The following ZNF827 variants were observed in gnomAD, a reference collection of about 807,000 sequenced individuals.
ZNF827 encodes the protein zinc finger protein 827.
A neutral mutation model predicts 102.4 loss-of-function variants in ZNF827; 13 were observed. The ratio of observed to expected loss-of-function variants is 0.13; its 90% CI spans 0.08 to 0.20. The LOEUF (loss-of-function observed/expected upper bound fraction) is 0.20. Among genes scored for constraint, ZNF827 ranks in the 10% least tolerant of loss-of-function variants. ZNF827 has a pLI of 1.00. For synonymous variants in ZNF827, 523 were observed against 536.2 expected (o/e 0.98, Z 0.34); for missense variants, 1,103 against 1,344.4 (o/e 0.82, Z 2.81).
At chr4:145,931,815 G>A (rs1753826577) in intron 1 of ZNF827, among the ~76,000 whole-genome samples, 1 of 152,184 alleles carries the variant, frequency 6.6e-6, no homozygotes, top group Non-Finnish European at 1.5e-5. Flanking sequence ...TTTCACAGAT[G>A]GCACTGTTGA....
At chr4:145,877,728 A>G (rs112827883) in intron 4 of ZNF827, among the ~76,000 whole-genome samples, 19 of 152,336 alleles carry the variant, frequency 1.2e-4, no homozygotes, top group African/African-American at 3.8e-4. Flanking sequence ...GAATTTTAAA[A>G]TATATAAAGT....
chr4:145,771,274 G>A (rs1003987948), intron 11 of ZNF827, among the ~76,000 whole-genome samples: 6 of 152,078 alleles, frequency 3.9e-5, no homozygotes, highest in African/African-American at 1.4e-4. Context: ...CAGATCTCTC[G>A]ATTGTTTTCA....
At chr4:145,854,397 C>A (rs1006177516) in intron 5 of ZNF827, among the ~76,000 whole-genome samples, 1 of 151,788 alleles carries the variant, frequency 6.6e-6, no homozygotes, top group Non-Finnish European at 1.5e-5. Flanking sequence ...TTGTTACCTA[C>A]CCTTAAGAGG....
At chr4:145,793,617 C>T (rs149960714) in intron 8 of ZNF827, among the ~76,000 whole-genome samples, 1,738 of 152,026 alleles carry the variant, frequency 0.011, 39 homozygotes, top group African/African-American at 0.04. Context: ...TTCCCCAGCC[C>T]ACTGACTCAA....
intron 1 of ZNF827, among the ~76,000 whole-genome samples, chr4:145,906,534 G>C (rs1368851965): frequency 2.0e-5 from 3 of 152,134 alleles, no homozygotes; most frequent in African/African-American, 7.2e-5. Flanking sequence ...CACCCTCAGT[G>C]AGCAAGAATA....
intron 7 of ZNF827, among the ~76,000 whole-genome samples, chr4:145,825,020 C>T (rs925891596): frequency 6.6e-6 from 1 of 152,192 alleles, no homozygotes; most frequent in African/African-American, 2.4e-5. Flanking sequence ...AAAAAGTGAA[C>T]ACTGGCTATA....
intron 7 of ZNF827, among the ~76,000 whole-genome samples, chr4:145,842,489 T>C (rs913816921): frequency 4.6e-5 from 7 of 152,348 alleles, no homozygotes; most frequent in Middle Eastern, 6.8e-3. Flanking sequence ...CCTCTTGGGC[T>C]GCTACACTTT....
Position 145,902,220 on chromosome 4 carries a change from C to G in ZNF827, c.1039G>C (p.Glu347Gln). ...PPPPPPPQSLELLLLPVPKGR... is the reference protein window; with the variant it reads ...PPPPPPPQSLQLLLLPVPKGR... ...TTAGGAACTGGGAGTAATAATAATT[C>G]CAGGGATTGTGGTGGTGGTGGTGGA... The change falls in exon 2 of 15, where the codon GAA (glutamate) becomes CAA (glutamine). Residue 347 changes from glutamate to glutamine, a missense_variant. By Grantham distance (29) the Glu-to-Gln change is conservative. Around this residue, in one of 5 missense-constraint regions of ZNF827, gnomAD observed 441 missense variants for 458.6 expected, o/e 0.96. Coordinates refer to ENST00000508784, the MANE Select transcript of ZNF827 (RefSeq NM_001306215.2). This position sits in a 1 kb window ranked among gnomAD's most constrained non-coding sequence, Gnocchi z 4.3. 2 of 1,606,926 alleles carry G rather than the reference C, an allele frequency of 1.2e-6. No individual in the cohort carries two copies. The highest frequency in any genetic ancestry group is 1.7e-6 in the Non-Finnish European group (2 of 1,177,342).
In ZNF827 at chr4:145,848,472, C is replaced by T. The variant is rs1257471757; in HGVS notation, c.2221+850G>A. On this transcript the variant is annotated intron_variant, in intron 6 of 14. Coordinates refer to ENST00000508784, the MANE Select transcript of ZNF827 (RefSeq NM_001306215.2). ...AAATGGATGCTCTAAATGTGTTATC[C>T]ATAACAAAACAGAGTTTGTTGAACA... Among the ~76,000 whole-genome samples, 15 of 152,140 alleles carry T rather than the reference C, an allele frequency of 9.9e-5. 1 individual carries two copies. Among genetic ancestry groups the T allele is most frequent in the Admixed American group, 9.8e-4 (15 of 15,266 alleles).
At chr4:145,769,468 A>G (rs1430445236) in intron 11 of ZNF827, among the ~76,000 whole-genome samples, 1 of 152,212 alleles carries the variant, frequency 6.6e-6, no homozygotes, top group Non-Finnish European at 1.5e-5. Context: ...TTCAACTACC[A>G]TCTCTAAACA....
At chr4:145,937,911 C>T (rs1409919844) in intron 1 of ZNF827, among the ~76,000 whole-genome samples, 2 of 151,114 alleles carry the variant, frequency 1.3e-5, no homozygotes, top group East Asian at 3.9e-4. Context: ...GCGCCCCGAC[C>T]CCCGCACCCT....
chr4:145,768,916 T>TATATATATATATATATATA (rs34051922), intron 11 of ZNF827, among the ~76,000 whole-genome samples: 1 of 34,428 alleles, frequency 2.9e-5, no homozygotes, highest in Non-Finnish European at 5.2e-5. Context: ...TATATATATA[T>TATATATATATATATATATA]TAGGTATACA....
chr4:145,896,940 A>G (rs1751020702), intron 2 of ZNF827, among the ~76,000 whole-genome samples: 1 of 152,156 alleles, frequency 6.6e-6, no homozygotes, highest in African/African-American at 2.4e-5. Flanking sequence ...ATTAAACTCA[A>G]AAATTGGAAA....
intron 7 of ZNF827, among the ~76,000 whole-genome samples, chr4:145,837,685 C>T (rs868118262): frequency 5.1e-4 from 77 of 151,676 alleles, no homozygotes; most frequent in African/African-American, 1.6e-3. Context: ...AGGACTATGC[C>T]GAATCTCCTT....
In ZNF827 at chr4:145,779,392, G is replaced by A; in HGVS notation, c.2503C>T (p.His835Tyr). 1 of 1,614,164 alleles carries A rather than the reference G, an allele frequency of 6.2e-7. No individual in the cohort carries two copies. ...VFGRQQTLSR[H>Y]LSLHTEERKY... Reference sequence around the variant, plus strand: ...CACTCACCTGTGTGCAGCGAGAGGTGTCGGGACAATGTCTGCTGTCGGCCA... The same window carrying A: ...CACTCACCTGTGTGCAGCGAGAGGTATCGGGACAATGTCTGCTGTCGGCCA... Residue 835 changes from histidine (H) to tyrosine (Y), a missense_variant, in exon 9 of 15, where the codon CAC becomes TAC. By Grantham distance (83) the His-to-Tyr change is moderately conservative. Transcript: ENST00000508784.
chr4:145,909,614 A>G (rs549707059), intron 1 of ZNF827, among the ~76,000 whole-genome samples: 89 of 152,348 alleles, frequency 5.8e-4, no homozygotes, highest in Non-Finnish European at 1.2e-3. Context: ...AATGGGCTCA[A>G]TGTGGGTCAC....
At chr4:145,817,305 A>G (rs1377074499) in intron 8 of ZNF827, among the ~76,000 whole-genome samples, 2 of 152,192 alleles carry the variant, frequency 1.3e-5, no homozygotes, top group African/African-American at 2.4e-5. Context: ...CTGTGCTAGC[A>G]TATAGTTTTG....
At chr4:145,877,044 T>C (rs1278855423) in intron 4 of ZNF827, among the ~76,000 whole-genome samples, 1 of 152,114 alleles carries the variant, frequency 6.6e-6, no homozygotes, top group African/African-American at 2.4e-5. Flanking sequence ...AATAGCAACT[T>C]TTTTTCCCCC....
intron 1 of ZNF827, among the ~76,000 whole-genome samples, chr4:145,930,633 A>G (rs10022648): frequency 0.56 from 85,430 of 152,134 alleles, 27,621 homozygotes; most frequent in African/African-American, 0.88. Flanking sequence ...GAACTTCAGT[A>G]GTAAAAGCTG....
Sources: allele counts gnomAD v4.1 joint callset (sites outside exome capture counted in the v4.1 genomes callset), GRCh38; gene constraint gnomAD v4.1.1; regional missense constraint gnomAD v4.1.1; non-coding constraint Gnocchi (gnomAD v3.1); transcripts MANE v1.5; gene names NCBI Gene and HGNC (gene_info 2026-07-23, HGNC 2026-07-21).